The following IKZF2 variants were observed in gnomAD, a reference collection of about 807,000 sequenced individuals.
IKZF2 encodes the protein IKAROS family zinc finger 2, also known as zinc finger protein Helios.
A neutral mutation model predicts 49.2 loss-of-function variants in IKZF2; 15 were observed. The ratio of observed to expected loss-of-function variants is 0.30; its 90% CI spans 0.20 to 0.47. The LOEUF is 0.47. Ranked by LOEUF, IKZF2 falls within the 20% of genes least tolerant of loss-of-function variation. The pLI, the probability that IKZF2 is intolerant of heterozygous loss-of-function variation, is 1.00. For synonymous variants in IKZF2, 227 were observed against 221.4 expected, an observed-to-expected ratio of 1.03 and a Z score of -0.23; for missense variants, 567 against 664.6, an observed-to-expected ratio of 0.85 and a Z score of 1.61.
At chr2:213,039,378 T>A (rs1574584055) in intron 6 of IKZF2, among the ~76,000 whole-genome samples, 1 of 151,996 alleles carries the variant, frequency 6.6e-6, no homozygotes, top group African/African-American at 2.4e-5. Context: ...CTAAAAATGT[T>A]TTTTAGTTGG....
intron 4 of IKZF2, among the ~76,000 whole-genome samples, chr2:213,132,814 CACAA>C (rs2060516817): frequency 1.3e-5 from 2 of 152,184 alleles, no homozygotes; most frequent in African/African-American, 2.4e-5. Context: ...TTATACCCGT[CACAA>C]ACAGAGTAGG....
chr2:213,046,669 C>T (rs568987925), intron 6 of IKZF2, among the ~76,000 whole-genome samples: 7 of 152,188 alleles, frequency 4.6e-5, no homozygotes, highest in South Asian at 2.1e-4. Flanking sequence ...CAAAATTGGA[C>T]GACTGGTGAC....
intron 7 of IKZF2, among the ~76,000 whole-genome samples, chr2:213,021,068 C>T (rs1697152168): frequency 1.3e-5 from 2 of 152,034 alleles, no homozygotes; most frequent in South Asian, 4.2e-4. Flanking sequence ...CAAAAACTAG[C>T]CAGGCCTGGT....
chr2:213,085,915 G>C lies in IKZF2; in HGVS notation c.140-28816C>G, dbSNP rs186181970. On this transcript the variant is annotated intron_variant, in intron 4 of 8. Transcript: ENST00000434687. ...GACTTTACTCACTGGAAAATGTTGA[G>C]ACTTTCCGGGATCACTCTGGCCAAG... Among the ~76,000 whole-genome samples the C allele has an allele frequency of 2.6e-4, 39 of 152,250 alleles. 1 individual carries two copies. The East Asian group carries it at 6.9e-3, about 27-fold the overall frequency.
At chr2:213,141,629 C>T (rs889562872) in intron 4 of IKZF2, among the ~76,000 whole-genome samples, 6 of 151,812 alleles carry the variant, frequency 4.0e-5, no homozygotes, top group Non-Finnish European at 8.8e-5. Flanking sequence ...TAATAAGTCT[C>T]GGCTCAAGCA....
At chr2:213,094,748 A>G (rs775901757) in intron 4 of IKZF2, among the ~76,000 whole-genome samples, 6 of 152,188 alleles carry the variant, frequency 3.9e-5, no homozygotes, top group Non-Finnish European at 1.5e-5. Flanking sequence ...TGCTGGGTGC[A>G]TATCAGCCAC....
At chr2:213,008,129 T>C in intron 8 of IKZF2, 45 bp from the exon 9 acceptor site, 1 of 1,341,466 alleles carries the variant, frequency 7.5e-7, no homozygotes, top group Non-Finnish European at 1.0e-6. Flanking sequence ...AAAAAAAAAA[T>C]ACAACAACAT....
intron 4 of IKZF2, among the ~76,000 whole-genome samples, chr2:213,078,745 C>T (rs1703562498): frequency 6.6e-6 from 1 of 152,162 alleles, no homozygotes; most frequent in South Asian, 2.1e-4. Context: ...ATTTATCTGT[C>T]TCATTAGCAT....
intron 4 of IKZF2, among the ~76,000 whole-genome samples, chr2:213,059,725 C>CTT (rs1701500809): frequency 6.6e-6 from 1 of 151,372 alleles, no homozygotes; most frequent in African/African-American, 2.4e-5. Flanking sequence ...AAGAATATGA[C>CTT]TGACATTACA....
intron 5 of IKZF2, among the ~76,000 whole-genome samples, chr2:213,055,466 A>G (rs1701056210): frequency 6.8e-6 from 1 of 147,818 alleles, no homozygotes; most frequent in African/African-American, 2.5e-5. Flanking sequence ...ATAAAAAACG[A>G]AAAAGCAAAA....
intron 4 of IKZF2, among the ~76,000 whole-genome samples, chr2:213,115,547 A>G (rs915795875): frequency 1.3e-5 from 2 of 152,222 alleles, no homozygotes; most frequent in African/African-American, 4.8e-5. Context: ...CCTGTCCATC[A>G]ACTTCAGATC....
rs986191446 is a variant in IKZF2 at position 213,135,639 on chromosome 2, C to T, written c.139+12069G>A. 3.3e-5 allele frequency among the ~76,000 whole-genome samples: 5 copies of T among 150,352 alleles called. 1 individual carries two copies. The Middle Eastern group carries it at 0.01, about 313-fold the overall frequency. On this transcript the variant is annotated intron_variant, in intron 4 of 8. Transcript: ENST00000434687. ...GTTCCAGGCTGCACTGAGCTATAAT[C>T]GTGACACCGTACTCCAGCCTGAACA...
intron 4 of IKZF2, among the ~76,000 whole-genome samples, chr2:213,139,332 C>CCATAATTATCCA (rs1440960412): frequency 6.6e-6 from 1 of 151,880 alleles, no homozygotes; most frequent in Non-Finnish European, 1.5e-5. Flanking sequence ...AGGACTTCAA[C>CCATAATTATCCA]CATAATTATC....
chr2:213,024,785 T>G (rs559952945), intron 6 of IKZF2, among the ~76,000 whole-genome samples: 2 of 152,226 alleles, frequency 1.3e-5, no homozygotes, highest in African/African-American at 4.8e-5. Flanking sequence ...CTCTGCTATC[T>G]CCACAAGACC....
At chr2:213,016,838 G>C (rs954664538) in intron 7 of IKZF2, 1 of 152,086 alleles carries the variant, frequency 6.6e-6, no homozygotes, top group South Asian at 2.1e-4. Context: ...AAGTCTGAGG[G>C]ACCTAGGTTA....
intron 4 of IKZF2, among the ~76,000 whole-genome samples, chr2:213,075,454 A>C (rs1449297290): frequency 6.6e-6 from 1 of 152,184 alleles, no homozygotes; most frequent in Non-Finnish European, 1.5e-5. Flanking sequence ...GAAAAAATAT[A>C]TATCTTATCC....
At chr2:213,116,701 T>A (rs978338550) in intron 4 of IKZF2, among the ~76,000 whole-genome samples, 2 of 152,176 alleles carry the variant, frequency 1.3e-5, no homozygotes, top group African/African-American at 4.8e-5. Context: ...ATCGCATCAC[T>A]GCACTCAAGC....
intron 4 of IKZF2, among the ~76,000 whole-genome samples, chr2:213,060,802 G>T (rs1184827234): frequency 1.3e-5 from 2 of 151,298 alleles, no homozygotes; most frequent in African/African-American, 4.8e-5. Context: ...CTTCTATTTA[G>T]CATTTATATT....
chr2:213,081,682 G>C (rs749916122), intron 4 of IKZF2, among the ~76,000 whole-genome samples: 4 of 152,194 alleles, frequency 2.6e-5, no homozygotes, highest in Non-Finnish European at 5.9e-5. Flanking sequence ...ATGCAATGGA[G>C]TATGAAAAAT....
Sources: gnomAD v4.1 joint callset for allele counts (sites outside exome capture counted in the v4.1 genomes callset) on GRCh38, gnomAD v4.1.1 for gene constraint, MANE v1.5 for transcripts, NCBI Gene and HGNC (gene_info 2026-07-23, HGNC 2026-07-21) for gene names.